Variants in STK4 observed in about 807,000 individuals in gnomAD.
The protein encoded by STK4 is serine/threonine kinase 4.
STK4 carries 30 observed loss-of-function variants against 64.9 expected under a neutral mutation model. The ratio of observed to expected loss-of-function variants is 0.46; its 90% CI spans 0.35 to 0.63. STK4 has a LOEUF of 0.63. Ranked by LOEUF, STK4 falls within the 20% of genes least tolerant of loss-of-function variation. STK4 has a pLI of 0.01. For missense variants in STK4, 466 were observed against 598.5 expected, an observed-to-expected ratio of 0.78 and a Z score of 2.31; for synonymous variants, 177 against 199.0, an observed-to-expected ratio of 0.89 and a Z score of 0.93.
chr20:45,006,180 C>CTAT (rs920979911), intron 9 of STK4, among the ~76,000 whole-genome samples: 6 of 150,414 alleles, frequency 4.0e-5, no homozygotes, highest in Non-Finnish European at 5.9e-5. Context: ...TTTGGTTTCT[C>CTAT]TATTATTATT....
chr20:44,988,533 G>GTGTGTATATATATATATATA (rs1221720136), intron 5 of STK4, among the ~76,000 whole-genome samples: 1 of 101,576 alleles, frequency 9.8e-6, no homozygotes, highest in African/African-American at 4.8e-5. Context: ...ATGTGTGTGT[G>GTGTGTATATATATATATATA]TATATATATA....
chr20:45,074,887 A>C, intron 10 of STK4, 131 bp from the exon 11 acceptor site: 3 of 1,054,286 alleles, frequency 2.8e-6, no homozygotes, highest in Non-Finnish European at 4.1e-6. Context: ...ACCACCACTC[A>C]ACCTGTGATC....
intron 10 of STK4, among the ~76,000 whole-genome samples, chr20:45,037,044 T>G (rs1402337255): frequency 6.6e-6 from 1 of 152,194 alleles, no homozygotes; most frequent in Non-Finnish European, 1.5e-5. Flanking sequence ...CAAAGCAGTT[T>G]GGCTCCAGAG....
intron 9 of STK4, among the ~76,000 whole-genome samples, chr20:45,002,795 G>A (rs1015519): frequency 0.53 from 80,361 of 151,854 alleles, 22,317 homozygotes; most frequent in African/African-American, 0.68. Flanking sequence ...TTAAGGCCAT[G>A]AAAAGCAGTG....
intron 10 of STK4, among the ~76,000 whole-genome samples, chr20:45,047,391 C>G (rs16989618): frequency 0.028 from 4,284 of 152,206 alleles, 186 homozygotes; most frequent in African/African-American, 0.092. Context: ...ATATATGTGC[C>G]GATGGTAAAC....
rs144009668 is a variant in STK4, at chr20:45,052,202, A to G, written c.1306-22816A>G. Among the ~76,000 whole-genome samples, 146 of 152,294 alleles carry G rather than the reference A, an allele frequency of 9.6e-4. 3 individuals carry two copies. The East Asian group carries it at 0.026, about 27-fold the overall frequency. ...GCTATTTTGTTAACCTTCTAGTTGT[A>G]AAAACACACTCATTATAGAAAGTTT... On this transcript the variant is annotated intron_variant, in intron 10 of 10. Transcript: ENST00000372806.
chr20:45,001,790 A>C (rs2067846831), intron 9 of STK4, among the ~76,000 whole-genome samples: 1 of 152,204 alleles, frequency 6.6e-6, no homozygotes, highest in South Asian at 2.1e-4. Flanking sequence ...CAGTCAATGA[A>C]AGATGACTGT....
chr20:45,026,316 AGAGT>A (rs201198068), intron 10 of STK4, among the ~76,000 whole-genome samples: 4 of 102,446 alleles, frequency 3.9e-5, no homozygotes, highest in African/African-American at 1.8e-4. Context: ...GGAGACAGAA[AGAGT>A]GTGTGTGTGT....
At chr20:45,005,579 C>T (rs899583087) in intron 9 of STK4, among the ~76,000 whole-genome samples, 5 of 138,448 alleles carry the variant, frequency 3.6e-5, no homozygotes, top group East Asian at 2.3e-4. Flanking sequence ...ACCTGGGAGG[C>T]GGAGGTTGCA....
At chr20:44,973,678 C>G (rs2067290738) in intron 2 of STK4, among the ~76,000 whole-genome samples, 1 of 152,194 alleles carries the variant, frequency 6.6e-6, no homozygotes, top group Non-Finnish European at 1.5e-5. Context: ...AATCCTTGCT[C>G]TACTGTTTAC....
chr20:45,048,427 A>G (rs2068728455), intron 10 of STK4, among the ~76,000 whole-genome samples: 4 of 151,612 alleles, frequency 2.6e-5, no homozygotes, highest in Non-Finnish European at 4.4e-5. Flanking sequence ...GGGCTGCCCT[A>G]AAAAAGGAAG....
At chr20:45,015,852 C>T (rs1311804055) in intron 9 of STK4, among the ~76,000 whole-genome samples, 2 of 152,050 alleles carry the variant, frequency 1.3e-5, no homozygotes, top group Non-Finnish European at 2.9e-5. Context: ...TGTGTAAATG[C>T]TCAAAAATGG....
intron 10 of STK4, among the ~76,000 whole-genome samples, chr20:45,033,345 C>A (rs1177558597): frequency 1.3e-5 from 2 of 152,102 alleles, no homozygotes; most frequent in South Asian, 4.2e-4. Context: ...GAAATCTTCG[C>A]CAGGTCCTAT....
At chr20:45,064,531 C>T (rs1236558802) in intron 10 of STK4, among the ~76,000 whole-genome samples, 2 of 152,092 alleles carry the variant, frequency 1.3e-5, no homozygotes, top group Admixed American at 1.3e-4. Flanking sequence ...GCAGTATAGC[C>T]ATGTTAACAA....
intron 9 of STK4, among the ~76,000 whole-genome samples, chr20:45,003,416 T>G (rs1037990509): frequency 2.6e-5 from 4 of 152,192 alleles, no homozygotes; most frequent in African/African-American, 9.6e-5. Context: ...TCAGTAAAAT[T>G]AAATTATTAC....
At chr20:45,052,949 C>T (rs1978295996) in intron 10 of STK4, 1 of 645,606 alleles carries the variant, frequency 1.5e-6, no homozygotes, top group African/African-American at 1.8e-5. Flanking sequence ...AGAAGACTAT[C>T]CTAAATTGTT....
intron 3 of STK4, among the ~76,000 whole-genome samples, chr20:44,978,781 G>GTTT (rs377295791): frequency 8.0e-6 from 1 of 124,966 alleles, no homozygotes; most frequent in Non-Finnish European, 1.8e-5. Flanking sequence ...ATGGTGTTTT[G>GTTT]TTTTTTTTTT....
At chr20:44,981,693 G>A (rs546412662) in intron 3 of STK4, 136 bp from the exon 4 acceptor site, 1 of 526,170 alleles carries the variant, frequency 1.9e-6, no homozygotes, top group African/African-American at 1.9e-5. Context: ...TTCTTATCAG[G>A]AGGTTGTCCA....
rs371924549 is a variant in STK4 at position 45,024,997 on chromosome 20, C to T, written c.1172C>T (p.Ala391Val). The change falls in exon 10 of 11, where the codon GCG becomes GTG. Residue 391 changes from alanine (A) to valine (V), a missense_variant. Coordinates refer to ENST00000372806, the MANE Select transcript of STK4 (RefSeq NM_006282.5). ...GGAAGGGATGAGACCATGCAGCCTG[C>T]GAAACCATCCTTTCTTGAATATTTT... Reference protein sequence around the residue: ...MKRRDETMQPAKPSFLEYFEQ... With the variant: ...MKRRDETMQPVKPSFLEYFEQ... The T allele has an allele frequency of 1.9e-4, 300 of 1,610,700 alleles. No homozygotes were observed. The highest frequency in any genetic ancestry group is 2.1e-4 in the Non-Finnish European group (252 of 1,178,398).
Sources: gnomAD v4.1 joint callset for allele counts (sites outside exome capture counted in the v4.1 genomes callset) on GRCh38, gnomAD v4.1.1 for gene constraint, MANE v1.5 for transcripts, NCBI Gene and HGNC (gene_info 2026-07-23, HGNC 2026-07-21) for gene names.